The following UNC79 variants were observed in gnomAD, a reference collection of about 807,000 sequenced individuals.
UNC79 encodes the protein protein unc-79 homolog.
In UNC79, 37 loss-of-function variants were observed where a neutral mutation model predicts 283.1. That is an observed-to-expected ratio of 0.13 (90% CI 0.10 to 0.17). The LOEUF is 0.17. Among genes scored for constraint, UNC79 ranks in the 10% least tolerant of loss-of-function variants. UNC79 has a pLI of 1.00. For synonymous variants in UNC79, 1,107 were observed against 1,200.2 expected (o/e 0.92, Z 1.61); for missense variants, 2,272 against 3,211.1 (o/e 0.71, Z 7.07).
intron 14 of UNC79, among the ~76,000 whole-genome samples, chr14:93,560,658 T>A (rs2062489867): frequency 6.6e-6 from 1 of 151,940 alleles, no homozygotes; most frequent in African/African-American, 2.4e-5. Context: ...CATTCGCAAA[T>A]TGAATTTTGG....
chr14:93,686,760 G>A, intron 43 of UNC79, 99 bp downstream of exon 46: 1 of 1,312,398 alleles, frequency 7.6e-7, no homozygotes, highest in Non-Finnish European at 1.1e-6. Flanking sequence ...ACCTGGGGAG[G>A]CAGCCGTGGC....
At chr14:93,590,319 G>T (rs1273427490) in intron 22 of UNC79, among the ~76,000 whole-genome samples, 2 of 152,126 alleles carry the variant, frequency 1.3e-5, no homozygotes, top group African/African-American at 4.8e-5. Flanking sequence ...AGAAAACAGG[G>T]ATTCTACAGC....
At chr14:93,362,124 A>T (rs553526386) in intron 1 of UNC79, among the ~76,000 whole-genome samples, 1 of 152,194 alleles carries the variant, frequency 6.6e-6, no homozygotes, top group African/African-American at 2.4e-5. Flanking sequence ...ATCTCTGTTC[A>T]TCAGGCATAT....
At chr14:93,336,192 C>A (rs895969021) in intron 1 of UNC79, among the ~76,000 whole-genome samples, 4 of 152,142 alleles carry the variant, frequency 2.6e-5, no homozygotes, top group African/African-American at 9.7e-5. Context: ...AATTTTATCT[C>A]CCCCTATTTC....
At position 93,676,164 on chromosome 14, in the gene UNC79, C is replaced by T. The variant is rs146998392; in HGVS notation, c.6741+2709C>T. 3.5e-3 allele frequency among the ~76,000 whole-genome samples: 534 copies of T among 152,314 alleles called. 2 individuals carry two copies. The highest frequency in any genetic ancestry group is 0.012 in the African/African-American group (511 of 41,570). On this transcript the variant is annotated intron_variant, in intron 41 of 48. Transcript: ENST00000555664. ...CTCTGCCTCCCTGGCTCAAGTGATC[C>T]TCCTACCTCAGCCTCTGATGTAGCT...
intron 7 of UNC79, among the ~76,000 whole-genome samples, chr14:93,506,913 T>A (rs1381429572): frequency 2.0e-5 from 3 of 152,138 alleles, no homozygotes; most frequent in African/African-American, 7.2e-5. Context: ...CCAAACACCA[T>A]CCCCTTCTCT....
chr14:93,521,860 C>G (rs924967062), intron 7 of UNC79, among the ~76,000 whole-genome samples: 2 of 149,494 alleles, frequency 1.3e-5, no homozygotes, highest in African/African-American at 4.9e-5. Flanking sequence ...AATTGTAGTG[C>G]TTTTCCCAAT....
At chr14:93,550,162 T>C (rs911306054) in intron 14 of UNC79, among the ~76,000 whole-genome samples, 3 of 152,184 alleles carry the variant, frequency 2.0e-5, no homozygotes, top group African/African-American at 7.2e-5. Context: ...ACAAGGTTGG[T>C]TTATAAATTG....
chr14:93,687,451 G>C (rs117263440), intron 43 of UNC79, among the ~76,000 whole-genome samples: 3,361 of 152,282 alleles, frequency 0.022, 55 homozygotes, highest in Non-Finnish European at 0.034. Context: ...GGGCAGAAGA[G>C]AATCCAAACA....
intron 1 of UNC79, among the ~76,000 whole-genome samples, chr14:93,443,893 G>A (rs1355167688): frequency 6.6e-6 from 1 of 152,106 alleles, no homozygotes; most frequent in Non-Finnish European, 1.5e-5. Flanking sequence ...TCAGTTTTGG[G>A]CCATTATGAA....
exon 13 of UNC79, chr14:93,540,735 C>T (rs756986256): frequency 1.9e-6 from 3 of 1,613,680 alleles, no homozygotes; most frequent in Admixed American, 3.3e-5. Flanking sequence ...TGGGCCTCTC[C>T]TCTTCCCACC....
At chr14:93,355,999 T>G (rs1405952629) in intron 1 of UNC79, among the ~76,000 whole-genome samples, 1 of 151,566 alleles carries the variant, frequency 6.6e-6, no homozygotes, top group Non-Finnish European at 1.5e-5. Flanking sequence ...ACAAGTGTAG[T>G]CTCTTCAGGA....
chr14:93,367,391 A>G (rs1234919348), intron 1 of UNC79, among the ~76,000 whole-genome samples: 1 of 152,194 alleles, frequency 6.6e-6, no homozygotes, highest in Non-Finnish European at 1.5e-5. Flanking sequence ...CCAGCAGGGA[A>G]GGCTATAAAT....
At chr14:93,465,413 C>T (rs1472763995) in intron 1 of UNC79, among the ~76,000 whole-genome samples, 2 of 152,098 alleles carry the variant, frequency 1.3e-5, no homozygotes, top group African/African-American at 4.8e-5. Context: ...GGTATAGTTT[C>T]TGCCCTTAAG....
chr14:93,506,573 C>G (rs1209692133), intron 7 of UNC79, among the ~76,000 whole-genome samples: 2 of 151,792 alleles, frequency 1.3e-5, no homozygotes. Context: ...ACATTTTTTT[C>G]TTTGTCTTAA....
intron 16 of UNC79, 37 bp downstream of exon 16, chr14:93,572,853 G>T: frequency 6.2e-7 from 1 of 1,608,528 alleles, no homozygotes; most frequent in African/African-American, 1.3e-5. Flanking sequence ...TTAGGAAATA[G>T]TTCTTAGCTT....
At chr14:93,493,573 A>G (rs2058841783) in intron 5 of UNC79, among the ~76,000 whole-genome samples, 1 of 152,218 alleles carries the variant, frequency 6.6e-6, no homozygotes. Context: ...AAAGCTATTT[A>G]GGAAGTAAAA....
chr14:93,613,375 T>A (rs892993702), intron 27 of UNC79, among the ~76,000 whole-genome samples: 1 of 151,960 alleles, frequency 6.6e-6, no homozygotes, highest in Non-Finnish European at 1.5e-5. Context: ...AGAGTGTCTG[T>A]ACCTTGATAT....
intron 1 of UNC79, among the ~76,000 whole-genome samples, chr14:93,361,211 CAAAAAAAAAAAAA>C (rs58267219): frequency 1.8e-5 from 1 of 54,382 alleles, no homozygotes; most frequent in South Asian, 9.1e-4. Flanking sequence ...GACTCTGTCT[CAAAAAAAAAAAAA>C]AAAAAAAAAA....
Sources: gnomAD v4.1 joint callset for allele counts (sites outside exome capture counted in the v4.1 genomes callset) on GRCh38, gnomAD v4.1.1 for gene constraint, MANE v1.5 for transcripts, NCBI Gene and HGNC (gene_info 2026-07-23, HGNC 2026-07-21) for gene names.